The following DIAPH2 variants were observed in gnomAD, a reference collection of about 807,000 sequenced individuals.
The protein encoded by DIAPH2 is protein diaphanous homolog 2.
In DIAPH2, 35 loss-of-function variants were observed where a neutral mutation model predicts 92.7. The ratio of observed to expected loss-of-function variants is 0.38; its 90% CI spans 0.29 to 0.50. The LOEUF is 0.50. Ranked by LOEUF, DIAPH2 falls within the 20% of genes least tolerant of loss-of-function variation. DIAPH2 has a pLI of 0.94. For missense variants in DIAPH2, 701 were observed against 819.5 expected (o/e 0.86, Z 1.77); for synonymous variants, 301 against 280.4 (o/e 1.07, Z -0.73).
At chrX:97,322,765 G>C (rs2068909689) in intron 23 of DIAPH2, among the ~76,000 whole-genome samples, 1 of 111,188 alleles carries the variant, frequency 9.0e-6, no homozygotes, top group South Asian at 3.7e-4. Flanking sequence ...AGTGCTTTGA[G>C]ATTTCCTTCC....
chrX:96,861,852 C>G (rs1182677245), intron 4 of DIAPH2, among the ~76,000 whole-genome samples: 1 of 111,785 alleles, frequency 8.9e-6, no homozygotes, highest in Non-Finnish European at 1.9e-5. Context: ...ACAGCCATAC[C>G]GAACTTCTTC....
intron 1 of DIAPH2, among the ~76,000 whole-genome samples, chrX:96,733,796 C>A (rs1644401034): frequency 9.0e-6 from 1 of 111,390 alleles, no homozygotes; most frequent in South Asian, 3.8e-4. Flanking sequence ...TGGATAGCTG[C>A]TTGGCTATTG....
chrX:97,323,051 C>T (rs1185997136), intron 23 of DIAPH2, among the ~76,000 whole-genome samples: 1 of 106,039 alleles, frequency 9.4e-6, no homozygotes, highest in Non-Finnish European at 1.9e-5. Flanking sequence ...GATTAAGTCG[C>T]CTGCCACCAC....
chrX:97,028,471 C>T (rs1362573699), intron 17 of DIAPH2, among the ~76,000 whole-genome samples: 2 of 111,816 alleles, frequency 1.8e-5, no homozygotes, highest in Non-Finnish European at 3.8e-5. Flanking sequence ...CATCCTCAAA[C>T]CCCTGCCCCT....
intron 22 of DIAPH2, among the ~76,000 whole-genome samples, chrX:97,237,634 T>C (rs2068058673): frequency 9.0e-6 from 1 of 110,607 alleles, no homozygotes; most frequent in South Asian, 3.9e-4. Context: ...CAGGCTGGAC[T>C]GCAGTGGCGC....
intron 17 of DIAPH2, among the ~76,000 whole-genome samples, chrX:97,009,177 G>A (rs775994632): frequency 4.7e-4 from 52 of 110,622 alleles, no homozygotes; most frequent in Middle Eastern, 4.6e-3. Context: ...CTTTTCACAA[G>A]CAGAGGAGGT....
chrX:96,748,246 A>C, intron 3 of DIAPH2, among the ~76,000 whole-genome samples: 1 of 112,300 alleles, frequency 8.9e-6, no homozygotes, highest in Admixed American at 9.4e-5. Flanking sequence ...GCAACTATTT[A>C]TTCATATGTG....
At chrX:97,191,016 G>A (rs1308474111) in intron 22 of DIAPH2, among the ~76,000 whole-genome samples, 1 of 109,002 alleles carries the variant, frequency 9.2e-6, no homozygotes, top group South Asian at 4.0e-4. Flanking sequence ...ATGCTAAGTG[G>A]ACCTGACTCT....
At chrX:97,229,434 G>A (rs181013139) in intron 22 of DIAPH2, among the ~76,000 whole-genome samples, 1 of 111,775 alleles carries the variant, frequency 8.9e-6, no homozygotes, top group East Asian at 2.8e-4. Context: ...CAATTGCAAT[G>A]CACAGACAAA....
intron 4 of DIAPH2, among the ~76,000 whole-genome samples, chrX:96,792,735 T>C (rs1413113371): frequency 1.8e-5 from 2 of 111,999 alleles, no homozygotes; most frequent in African/African-American, 6.5e-5. Flanking sequence ...CTGTGATAAA[T>C]ATGATATTGT....
chrX:97,294,053 T>C (rs1381369843), intron 23 of DIAPH2, among the ~76,000 whole-genome samples: 2 of 112,333 alleles, frequency 1.8e-5, no homozygotes, highest in Non-Finnish European at 1.9e-5. Flanking sequence ...ATTTATTGGC[T>C]GGATTGAATA....
intron 22 of DIAPH2, among the ~76,000 whole-genome samples, chrX:97,224,221 T>C (rs73548645): frequency 0.029 from 3,225 of 111,971 alleles, 126 homozygotes; most frequent in African/African-American, 0.1. Flanking sequence ...GGTCACTTAG[T>C]ATCTGCTTCA....
chrX:97,546,741 T>TA (rs1466341100), intron 26 of DIAPH2, among the ~76,000 whole-genome samples: 88 of 109,822 alleles, frequency 8.0e-4, no homozygotes, highest in African/African-American at 2.9e-3. Flanking sequence ...GAGGCTGAGG[T>TA]AGGAAAATCA....
rs1170719623 is a variant in DIAPH2, at chrX:96,957,990, C to T, written c.1777C>T (p.Pro593Ser). 8.3e-7 allele frequency: 1 copy of T among 1,209,304 alleles called. No homozygotes were observed. Among genetic ancestry groups the T allele is most frequent in the Non-Finnish European group, 1.1e-6 (1 of 894,033 alleles). ...ACCTGGAATGATGGGGATACCACCA[C>T]CACCCCCACCACCACTTTTATTTGG... ...PLPGMMGIPPPPPPPLLFGGP... is the reference protein window; with the variant it reads ...PLPGMMGIPPSPPPPLLFGGP... The change falls in exon 16 of 27, where the codon CCA becomes TCA. Residue 593 changes from proline to serine, a missense_variant. Physicochemically the swap from Pro to Ser is moderately conservative, Grantham distance 74. Around this residue, in one of 3 missense-constraint regions of DIAPH2, gnomAD observed 536 missense variants for 599.3 expected, o/e 0.89. Transcript: ENST00000324765.
intron 26 of DIAPH2, among the ~76,000 whole-genome samples, chrX:97,499,812 C>G (rs747301180): frequency 1.8e-5 from 2 of 112,497 alleles, no homozygotes; most frequent in South Asian, 7.3e-4. Context: ...ACATGTCTTT[C>G]TTTCCATTTC....
intron 26 of DIAPH2, among the ~76,000 whole-genome samples, chrX:97,548,994 A>G (rs2147861822): frequency 8.9e-6 from 1 of 112,796 alleles, no homozygotes; most frequent in East Asian, 2.8e-4. Context: ...CCATTTATAA[A>G]ATGACGGGTA....
At chrX:97,374,795 C>T (rs1315641773) in intron 24 of DIAPH2, among the ~76,000 whole-genome samples, 1 of 111,745 alleles carries the variant, frequency 8.9e-6, no homozygotes, top group Admixed American at 9.5e-5. Flanking sequence ...AATGGAAAGC[C>T]TTAATTTGTC....
At chrX:97,096,005 G>GA (rs201754446) in intron 19 of DIAPH2, among the ~76,000 whole-genome samples, 4 of 110,119 alleles carry the variant, frequency 3.6e-5, no homozygotes, top group Admixed American at 9.7e-5. Flanking sequence ...TGAAATATTT[G>GA]AAAAAAAAAT....
intron 22 of DIAPH2, among the ~76,000 whole-genome samples, chrX:97,182,153 G>T (rs2147465825): frequency 9.0e-6 from 1 of 111,170 alleles, no homozygotes; most frequent in African/African-American, 3.3e-5. Context: ...TCTTAGTATG[G>T]CTTGTGGGGG....
Sources: allele counts gnomAD v4.1 joint callset (sites outside exome capture counted in the v4.1 genomes callset), GRCh38; gene constraint gnomAD v4.1.1; regional missense constraint gnomAD v4.1.1; transcripts MANE v1.5; gene names NCBI Gene and HGNC (gene_info 2026-07-23, HGNC 2026-07-21).